MSRA: variants seen among roughly 807,000 people sequenced by gnomAD.
MSRA encodes mitochondrial peptide methionine sulfoxide reductase.
Under a neutral mutation model 31.3 loss-of-function variants are expected in MSRA, and 54 were observed. That is an observed-to-expected ratio of 1.73 (90% CI 1.39 to 2.17). MSRA has a LOEUF of 2.17. Ranked by LOEUF, MSRA falls within the 30% of genes most tolerant of loss-of-function variation. The pLI, the probability that MSRA is intolerant of heterozygous loss-of-function variation, is 0.00. For synonymous variants in MSRA, 169 were observed against 116.5 expected (o/e 1.45, Z -2.90); for missense variants, 507 against 300.9 (o/e 1.69, Z -5.07).
chr8:10,363,420 T>G (rs376533931), intron 5 of MSRA, among the ~76,000 whole-genome samples: 1 of 152,084 alleles, frequency 6.6e-6, no homozygotes, highest in African/African-American at 2.4e-5. Context: ...CGTCCAAATT[T>G]ACCTGCGCAG....
intron 1 of MSRA, among the ~76,000 whole-genome samples, chr8:10,156,354 G>C (rs1804152325): frequency 6.6e-6 from 1 of 152,134 alleles, no homozygotes. Flanking sequence ...ATTCTTGAGA[G>C]ATGCCTTTTG....
intron 3 of MSRA, among the ~76,000 whole-genome samples, chr8:10,286,104 T>G (rs10101698): frequency 0.044 from 6,638 of 152,178 alleles, 470 homozygotes; most frequent in African/African-American, 0.15. Flanking sequence ...GTGTGGCTTA[T>G]TTAATCTAAG....
chr8:10,335,440 G>C (rs940410118), intron 5 of MSRA, among the ~76,000 whole-genome samples: 1 of 152,070 alleles, frequency 6.6e-6, no homozygotes, highest in Non-Finnish European at 1.5e-5. Flanking sequence ...TCCCGAGCCT[G>C]AATGTTTCGA....
chr8:10,173,859 T>A (rs760234711), intron 1 of MSRA, among the ~76,000 whole-genome samples: 11 of 152,224 alleles, frequency 7.2e-5, no homozygotes, highest in Non-Finnish European at 1.3e-4. Flanking sequence ...AGGCAGCATT[T>A]GTCTGCTGCA....
intron 1 of MSRA, among the ~76,000 whole-genome samples, chr8:10,081,061 A>AGGCAG (rs1238925363): frequency 2.6e-5 from 4 of 152,186 alleles, no homozygotes; most frequent in African/African-American, 9.7e-5. Context: ...ATTAAAATGG[A>AGGCAG]GGCAGGGCAG....
At chr8:10,081,454 C>T (rs1428198420) in intron 1 of MSRA, among the ~76,000 whole-genome samples, 1 of 152,128 alleles carries the variant, frequency 6.6e-6, no homozygotes, top group Non-Finnish European at 1.5e-5. Flanking sequence ...GTTCGGGCAT[C>T]TCCAGATGCT....
intron 1 of MSRA, among the ~76,000 whole-genome samples, chr8:10,062,881 GGTAGCAAT>G (rs1386396299): frequency 6.6e-6 from 1 of 152,154 alleles, no homozygotes; most frequent in Non-Finnish European, 1.5e-5. Context: ...GTTGTCATCA[GGTAGCAAT>G]TCCACCATTT....
chr8:10,368,381 A>G lies in MSRA; in HGVS notation c.543+48392A>G, dbSNP rs535376468. On this transcript the variant is annotated intron_variant, in intron 5 of 5. Coordinates refer to ENST00000317173, the MANE Select transcript of MSRA (RefSeq NM_012331.5). Reference sequence around the variant, plus strand: ...TGCAGATAAGATGGAGTGCAGCACTATCATTTGATTTGCTAAAAGATGTCT... The same window carrying G: ...TGCAGATAAGATGGAGTGCAGCACTGTCATTTGATTTGCTAAAAGATGTCT... Among the ~76,000 whole-genome samples the G allele has an allele frequency of 2.0e-3, 311 of 152,380 alleles. 1 individual carries two copies. The highest frequency in any genetic ancestry group is 3.0e-3 in the Non-Finnish European group (204 of 68,036).
rs192914250 is a variant in MSRA at position 10,315,132 on chromosome 8, A to G, written c.437-4751A>G. The stretch of plus-strand genomic sequence containing the variant: ...CTCATGAGACTTATTCACTGTCATG[A>G]GAACAGCATGGGAAAGACCTGCCCC... On this transcript the variant is annotated intron_variant, in intron 4 of 5. Transcript: ENST00000317173. Among the ~76,000 whole-genome samples the G allele has an allele frequency of 1.9e-3, 282 of 152,280 alleles. 1 individual carries two copies. Among genetic ancestry groups the G allele is most frequent in the Non-Finnish European group, 4.4e-4 (30 of 68,010 alleles).
chr8:10,253,602 G>A (rs1410619801), intron 3 of MSRA, among the ~76,000 whole-genome samples: 1 of 152,178 alleles, frequency 6.6e-6, no homozygotes, highest in East Asian at 1.9e-4. Context: ...TATTCTCAAA[G>A]ACTTAGAAGG....
In MSRA at chr8:10,305,939, C is replaced by G. The variant is rs926745163; in HGVS notation, c.436+4301C>G. On this transcript the variant is annotated intron_variant, in intron 4 of 5. Coordinates refer to ENST00000317173, the MANE Select transcript of MSRA (RefSeq NM_012331.5). Reference sequence around the variant, plus strand: ...GGAATAGTCTTTTCTTTTAATTTACCAATTACCACAGAACCTCTACTTTTG... The same window carrying G: ...GGAATAGTCTTTTCTTTTAATTTACGAATTACCACAGAACCTCTACTTTTG... Among the ~76,000 whole-genome samples, 4 of 152,198 alleles carry G rather than the reference C, an allele frequency of 2.6e-5. No individual in the cohort carries two copies. The South Asian group carries it at 6.2e-4, about 24-fold the overall frequency.
intron 3 of MSRA, among the ~76,000 whole-genome samples, chr8:10,268,656 C>G (rs777692723): frequency 1.6e-4 from 25 of 152,270 alleles, no homozygotes; most frequent in Non-Finnish European, 2.9e-4. Flanking sequence ...AAAAAATAAC[C>G]CTGGCTTCAG....
chr8:10,347,857 G>A (rs1803881861), intron 5 of MSRA, among the ~76,000 whole-genome samples: 1 of 152,172 alleles, frequency 6.6e-6, no homozygotes, highest in East Asian at 1.9e-4. Context: ...CACCTCCGCA[G>A]CTTAAACAAT....
At chr8:10,335,879 C>T (rs1585508734) in intron 5 of MSRA, among the ~76,000 whole-genome samples, 1 of 152,192 alleles carries the variant, frequency 6.6e-6, no homozygotes, top group East Asian at 1.9e-4. Context: ...AATCGCTGCC[C>T]TCCAGGAGAA....
intron 2 of MSRA, among the ~76,000 whole-genome samples, chr8:10,240,704 A>G (rs958355580): frequency 1.3e-5 from 2 of 152,130 alleles, no homozygotes; most frequent in African/African-American, 4.8e-5. Flanking sequence ...CCCTCTCTGA[A>G]GGAACCAGTT....
intron 3 of MSRA, among the ~76,000 whole-genome samples, chr8:10,285,321 G>T (rs1436287962): frequency 6.6e-6 from 1 of 152,070 alleles, no homozygotes; most frequent in Non-Finnish European, 1.5e-5. Flanking sequence ...GCTTTCTAAA[G>T]CATTTCCCTT....
At chr8:10,071,872 G>A (rs899452648) in intron 1 of MSRA, among the ~76,000 whole-genome samples, 1 of 152,220 alleles carries the variant, frequency 6.6e-6, no homozygotes, top group Admixed American at 6.5e-5. Context: ...AGTCTCCAAG[G>A]AAAACACAAC....
Position 10,392,919 on chromosome 8 carries a change from G to A in MSRA, c.544-35229G>A, listed in dbSNP as rs554465364. 9.5e-4 allele frequency among the ~76,000 whole-genome samples: 136 copies of A among 142,442 alleles called. 1 individual carries two copies. Among genetic ancestry groups the A allele is most frequent in the African/African-American group, 3.3e-3 (124 of 37,600 alleles). The allele number at this position is 142,442 out of a possible 152,430, so 93.4% of individuals were successfully genotyped here. ...AAAAAAAAAAAAAAAAAAATTAGCCGGCAGTAATGGCGGGCGCCTATAGTC... is the reference window on the plus strand; with the variant it reads ...AAAAAAAAAAAAAAAAAAATTAGCCAGCAGTAATGGCGGGCGCCTATAGTC... On this transcript the variant is annotated intron_variant, in intron 5 of 5. Coordinates refer to ENST00000317173, the MANE Select transcript of MSRA (RefSeq NM_012331.5).
chr8:10,080,138 G>A (rs1308965269), intron 1 of MSRA, among the ~76,000 whole-genome samples: 1 of 152,142 alleles, frequency 6.6e-6, no homozygotes, highest in Admixed American at 6.5e-5. Context: ...GGCAAAGGCA[G>A]AGAAAGAAGA....
Sources: allele counts gnomAD v4.1 joint callset (sites outside exome capture counted in the v4.1 genomes callset), GRCh38; gene constraint gnomAD v4.1.1; transcripts MANE v1.5; gene names NCBI Gene and HGNC (gene_info 2026-07-23, HGNC 2026-07-21).